The following MED24 variants were observed in gnomAD, a reference collection of about 807,000 sequenced individuals.
MED24 encodes the protein mediator complex subunit 24.
A neutral mutation model predicts 118.8 loss-of-function variants in MED24; 74 were observed. The observed-to-expected ratio is 0.62, with a 90% confidence interval of 0.52 to 0.76. The LOEUF (loss-of-function observed/expected upper bound fraction) is 0.76. Among genes scored for constraint, MED24 ranks in the 30% least tolerant of loss-of-function variants. MED24 has a pLI of 0.00. For synonymous variants in MED24, 521 were observed against 523.9 expected, an observed-to-expected ratio of 0.99 and a Z score of 0.08; for missense variants, 1,041 against 1,278.9, an observed-to-expected ratio of 0.81 and a Z score of 2.84.
intron 3 of MED24, among the ~76,000 whole-genome samples, chr17:40,046,020 A>G (rs995833663): frequency 1.2e-4 from 17 of 138,554 alleles, no homozygotes; most frequent in East Asian, 4.4e-4. Flanking sequence ...CTCATGATCC[A>G]CCCGCCTCGG....
In MED24 at chr17:40,039,827, A is replaced by G. The variant is rs369250337; in HGVS notation, c.214-3673T>C. 2.7e-4 allele frequency among the ~76,000 whole-genome samples: 36 copies of G among 133,132 alleles called. No individual in the cohort carries two copies. The East Asian group carries it at 7.9e-3, about 29-fold the overall frequency. 87.3% of individuals were successfully genotyped at this position (133,132 alleles called of 152,430 possible). ...GAGATGGAGTCTTGCTCTCTCGCCC[A>G]GGCTGGAGTGCAGCGGCGAGATCTC... On this transcript the variant is annotated intron_variant, in intron 3 of 25. Transcript: ENST00000394128.
intron 4 of MED24, 30 bp downstream of exon 4, chr17:40,036,086 A>C: frequency 6.2e-7 from 1 of 1,602,006 alleles, no homozygotes; most frequent in South Asian, 1.1e-5. Flanking sequence ...TGTCATCCCC[A>C]ATCTAGCTCC....
intron 3 of MED24, among the ~76,000 whole-genome samples, 161 bp from the exon 4 acceptor site, chr17:40,036,315 C>T (rs1435176079): frequency 6.6e-6 from 1 of 152,110 alleles, no homozygotes; most frequent in Non-Finnish European, 1.5e-5. Flanking sequence ...TGTGCACTGC[C>T]CTGTTCCTGC....
rs757958406 is a variant in MED24, at chr17:40,053,975, A to G, written c.-37-340T>C. ...GAGAAACCTCGTCTCCACTAAAAAT[A>G]CAAAATTAGCCGGGCTTGGTGGTGC... On this transcript the variant is annotated intron_variant, in intron 1 of 25. Coordinates refer to ENST00000394128, the MANE Select transcript of MED24 (RefSeq NM_014815.4). 1.2e-4 allele frequency: 49 copies of G among 394,124 alleles called. No homozygotes were observed. In the Middle Eastern group the frequency reaches 2.2e-3, roughly 18 times the overall value. The allele number at this position is 394,124 out of a possible 1,614,324, so 24.4% of individuals were successfully genotyped here.
intron 3 of MED24, among the ~76,000 whole-genome samples, chr17:40,046,527 T>C (rs1985227227): frequency 2.3e-5 from 3 of 132,514 alleles, no homozygotes; most frequent in Non-Finnish European, 3.2e-5. Flanking sequence ...GGGCGGATCA[T>C]GAGGTCAGGA....
At chr17:40,041,793 A>C (rs1341889155) in intron 3 of MED24, among the ~76,000 whole-genome samples, 1 of 151,730 alleles carries the variant, frequency 6.6e-6, no homozygotes, top group East Asian at 1.9e-4. Context: ...TAAATTCATC[A>C]TTTTTTTCTG....
intron 16 of MED24, 135 bp from the exon 17 acceptor site, chr17:40,027,169 G>T (rs1360495193): frequency 1.6e-6 from 2 of 1,241,498 alleles, no homozygotes; most frequent in Non-Finnish European, 2.3e-6. Flanking sequence ...ACTGGTCTAA[G>T]GGAGCCAGAC....
intron 6 of MED24, among the ~76,000 whole-genome samples, chr17:40,034,133 G>A (rs111872233): frequency 1.3e-5 from 2 of 152,062 alleles, no homozygotes; most frequent in African/African-American, 4.8e-5. Flanking sequence ...AGGGTCAAAT[G>A]ATGAATAATG....
intron 3 of MED24, among the ~76,000 whole-genome samples, chr17:40,040,178 A>G (rs1984406891): frequency 6.6e-6 from 1 of 151,236 alleles, no homozygotes. Flanking sequence ...TCCTGGGTTC[A>G]AGCGATTCTT....
chr17:40,053,054 C>G (rs943542997), intron 3 of MED24, among the ~76,000 whole-genome samples: 2 of 152,140 alleles, frequency 1.3e-5, no homozygotes, highest in African/African-American at 4.8e-5. Context: ...CCCACCTCAG[C>G]CTTCCAAGTA....
intron 14 of MED24, 28 bp from the exon 15 acceptor site, chr17:40,027,974 G>T: frequency 1.2e-6 from 2 of 1,612,814 alleles, no homozygotes; most frequent in South Asian, 1.1e-5. Flanking sequence ...AGGCTGCATT[G>T]ACCAGGGCAT....
intron 3 of MED24, among the ~76,000 whole-genome samples, chr17:40,045,656 G>A (rs904472730): frequency 5.3e-5 from 8 of 151,826 alleles, no homozygotes; most frequent in Non-Finnish European, 8.8e-5. Flanking sequence ...GTTTTGGTGC[G>A]CACCTGTAGT....
At position 40,023,452 on chromosome 17, in the gene MED24, G is replaced by A. The variant is rs1982280281; in HGVS notation, c.1986-57C>T. 4 of 1,478,194 alleles carry A rather than the reference G, an allele frequency of 2.7e-6. No individual in the cohort carries two copies. The South Asian group carries it at 3.9e-5, about 14-fold the overall frequency. 91.6% of individuals were successfully genotyped at this position (1,478,194 alleles called of 1,614,324 possible). ...GGTGCCACTGTAGGGTGGGGAGGGA[G>A]AGGAGGGAACACCCATGCCAGACTT... On this transcript the variant is annotated intron_variant, in intron 19 of 25. Coordinates refer to ENST00000394128, the MANE Select transcript of MED24 (RefSeq NM_014815.4).
chr17:40,030,608 A>C (rs1164770860), intron 12 of MED24, among the ~76,000 whole-genome samples: 1 of 151,788 alleles, frequency 6.6e-6, no homozygotes, highest in Non-Finnish European at 1.5e-5. Flanking sequence ...TTAGTCTTAA[A>C]TGCTCTGAAA....
chr17:40,034,853 C>CGGGGGGGGGGGGGGGGGGGGGG, intron 6 of MED24: 1 of 309,118 alleles, frequency 3.2e-6, no homozygotes, highest in Non-Finnish European at 6.0e-6. Context: ...CTTTGGTAGC[C>CGGGGGGGGGGGGGGGGGGGGGG]CCCCACCCCC....
chr17:40,032,095 G>T lies in MED24; in HGVS notation c.937-5C>A, dbSNP rs751129864. The T allele has an allele frequency of 7.4e-6, 12 of 1,613,518 alleles. 1 individual carries two copies. The highest frequency in any genetic ancestry group is 6.6e-5 in the South Asian group (6 of 91,046). ...CTTCACCAAAACCTGTGGAATCTAG[G>T]GGGTGAGGCAGGGGGAAAAACAGGA... is the stretch of plus-strand genomic sequence containing the variant. On this transcript the variant is annotated splice_region_variant and splice_polypyrimidine_tract_variant and intron_variant, in intron 9 of 25. Coordinates refer to ENST00000394128, the MANE Select transcript of MED24 (RefSeq NM_014815.4).
intron 23 of MED24, chr17:40,020,606 G>A (rs1981859425): frequency 1.6e-6 from 1 of 630,512 alleles, no homozygotes; most frequent in South Asian, 1.6e-5. Flanking sequence ...TTGGCAACTA[G>A]CGAGACCTCA....
At chr17:40,029,126 C>T (rs912642513) in intron 13 of MED24, 158 bp from the exon 14 acceptor site, 7 of 939,438 alleles carry the variant, frequency 7.5e-6, no homozygotes, top group South Asian at 3.3e-5. Flanking sequence ...CCCTGCTCTC[C>T]GATCCATCCC....
chr17:40,022,102 T>C, intron 22 of MED24, 48 bp from the exon 23 acceptor site: 1 of 1,413,082 alleles, frequency 7.1e-7, no homozygotes, highest in Non-Finnish European at 9.7e-7. Context: ...CCCCCCAGTT[T>C]CCAGCTGTCA....
Sources: allele counts gnomAD v4.1 joint callset (sites outside exome capture counted in the v4.1 genomes callset), GRCh38; gene constraint gnomAD v4.1.1; transcripts MANE v1.5; gene names NCBI Gene and HGNC (gene_info 2026-07-23, HGNC 2026-07-21).